Variants in DDAH1 observed in about 807,000 individuals in gnomAD.
DDAH1 encodes the protein N(G),N(G)-dimethylarginine dimethylaminohydrolase 1.
Under a neutral mutation model 28.8 loss-of-function variants are expected in DDAH1, and 19 were observed. The observed-to-expected ratio is 0.66, with a 90% CI of 0.46 to 0.97. The LOEUF is 0.97. Ranked by LOEUF, DDAH1 falls within the 50% of genes least tolerant of loss-of-function variation. The pLI is 0.00. For synonymous variants in DDAH1, 153 were observed against 154.4 expected (o/e 0.99, Z 0.07); for missense variants, 326 against 375.9 (o/e 0.87, Z 1.10).
chr1:85,505,523 A>G (rs1656983703), intron 1 of DDAH1, among the ~76,000 whole-genome samples: 1 of 152,202 alleles, frequency 6.6e-6, no homozygotes, highest in Admixed American at 6.5e-5. Context: ...CAGTACTGAT[A>G]GGAATTGATG....
exon 2 of DDAH1, chr1:85,496,222 C>G (rs574613705): frequency 3.5e-5 from 34 of 985,176 alleles, no homozygotes; most frequent in Non-Finnish European, 3.7e-5. Context: ...TATTTTGAAG[C>G]ATTTCCTACT....
intron 1 of DDAH1, among the ~76,000 whole-genome samples, chr1:85,452,168 C>T (rs981339310): frequency 6.6e-6 from 1 of 152,180 alleles, no homozygotes; most frequent in Admixed American, 6.5e-5. Flanking sequence ...GATCAAACAG[C>T]CCATTTGCTC....
At chr1:85,422,164 G>A (rs1329030479) in intron 1 of DDAH1, among the ~76,000 whole-genome samples, 1 of 152,146 alleles carries the variant, frequency 6.6e-6, no homozygotes, top group Non-Finnish European at 1.5e-5. Context: ...AACAAATTAT[G>A]TTAAGCATCT....
chr1:85,431,353 T>C (rs1388624852), intron 1 of DDAH1, among the ~76,000 whole-genome samples: 1 of 152,022 alleles, frequency 6.6e-6, no homozygotes, highest in Non-Finnish European at 1.5e-5. Context: ...CTGAAATTGA[T>C]AGGAGGCATT....
chr1:85,346,723 A>C (rs1648869906), intron 4 of DDAH1, among the ~76,000 whole-genome samples: 1 of 142,296 alleles, frequency 7.0e-6, no homozygotes, highest in East Asian at 2.0e-4. Flanking sequence ...AACATGGAGT[A>C]TTTATATTTC....
At chr1:85,577,957 A>G (rs1659659417) in intron 1 of DDAH1, 1 of 985,440 alleles carries the variant, frequency 1.0e-6, no homozygotes, top group African/African-American at 1.7e-5. Context: ...AGAGCCATAC[A>G]GAATTAGCAC....
intron 2 of DDAH1, among the ~76,000 whole-genome samples, chr1:85,477,306 T>A (rs1331922270): frequency 6.6e-6 from 1 of 152,152 alleles, no homozygotes; most frequent in African/African-American, 2.4e-5. Context: ...CTGACACAGG[T>A]AAGGGCTCCA....
At chr1:85,354,265 C>T (rs1306835350) in intron 2 of DDAH1, among the ~76,000 whole-genome samples, 2 of 152,052 alleles carry the variant, frequency 1.3e-5, no homozygotes, top group Non-Finnish European at 2.9e-5. Context: ...TATAACTTAA[C>T]ATTTAAATTT....
intron 1 of DDAH1, among the ~76,000 whole-genome samples, chr1:85,550,099 G>A (rs976329124): frequency 5.9e-5 from 9 of 152,146 alleles, no homozygotes; most frequent in African/African-American, 1.2e-4. Context: ...TCAAATTACC[G>A]TCAATTGGAT....
intron 1 of DDAH1, among the ~76,000 whole-genome samples, chr1:85,530,021 G>A (rs1396352302): frequency 7.0e-6 from 1 of 143,290 alleles, no homozygotes; most frequent in African/African-American, 2.6e-5. Flanking sequence ...GGAAACTGCT[G>A]ACCCACGCAT....
intron 1 of DDAH1, among the ~76,000 whole-genome samples, chr1:85,550,549 T>G (rs1469914639): frequency 1.3e-5 from 2 of 152,178 alleles, no homozygotes; most frequent in African/African-American, 4.8e-5. Context: ...AATCGGTATG[T>G]TTTAAAAATT....
intron 1 of DDAH1, among the ~76,000 whole-genome samples, chr1:85,520,312 T>C (rs1657637126): frequency 6.6e-6 from 1 of 152,196 alleles, no homozygotes; most frequent in South Asian, 2.1e-4. Context: ...TACTTAGAAG[T>C]CAGAAATAGA....
intron 2 of DDAH1, among the ~76,000 whole-genome samples, chr1:85,484,545 TG>T (rs1442738174): frequency 6.6e-6 from 1 of 152,138 alleles, no homozygotes; most frequent in Non-Finnish European, 1.5e-5. Flanking sequence ...GTTTAAGGCT[TG>T]GTCCTCTGAG....
At chr1:85,463,212 G>A (rs1421505873) in intron 1 of DDAH1, among the ~76,000 whole-genome samples, 1 of 152,134 alleles carries the variant, frequency 6.6e-6, no homozygotes, top group Admixed American at 6.5e-5. Context: ...TCTAGGCAGG[G>A]GAAAAAGATC....
chr1:85,510,013 G>C (rs1446034269), intron 1 of DDAH1, among the ~76,000 whole-genome samples: 2 of 151,902 alleles, frequency 1.3e-5, no homozygotes, highest in Non-Finnish European at 2.9e-5. Context: ...TCCTCGAGAA[G>C]TATCTTTCTC....
intron 1 of DDAH1, among the ~76,000 whole-genome samples, chr1:85,381,702 T>C (rs1020511968): frequency 8.6e-5 from 13 of 150,574 alleles, no homozygotes; most frequent in Admixed American, 4.7e-4. Context: ...TTTGCTTTAT[T>C]GTGATTTGCA....
At chr1:85,412,838 A>G (rs894787137) in intron 1 of DDAH1, among the ~76,000 whole-genome samples, 1 of 152,116 alleles carries the variant, frequency 6.6e-6, no homozygotes, top group South Asian at 2.1e-4. Flanking sequence ...TTGTCTCTAC[A>G]GAAAACTAAA....
rs997974442 is a variant in DDAH1 at position 85,342,140 on chromosome 1, G to A, written c.597+8275C>T. On this transcript the variant is annotated intron_variant, in intron 4 of 5. Transcript: ENST00000284031. The stretch of plus-strand genomic sequence containing the variant: ...GAGTATAGGAGATAGGGGTCACATA[G>A]GGAGAGCTGGAGGCAGAGCAAGAAT... Among the ~76,000 whole-genome samples, 6 of 152,272 alleles carry A rather than the reference G, an allele frequency of 3.9e-5. No homozygotes were observed. The South Asian group carries it at 1.2e-3, about 32-fold the overall frequency.
chr1:85,330,744 A>G (rs423105), intron 4 of DDAH1, among the ~76,000 whole-genome samples: 52,986 of 152,116 alleles, frequency 0.35, 9,357 homozygotes, highest in South Asian at 0.4. Flanking sequence ...AATTTGAGTG[A>G]TTATTATGGG....
Sources: allele counts gnomAD v4.1 joint callset (sites outside exome capture counted in the v4.1 genomes callset), GRCh38; gene constraint gnomAD v4.1.1; transcripts MANE v1.5; gene names NCBI Gene and HGNC (gene_info 2026-07-23, HGNC 2026-07-21).